RFX2: variants seen among roughly 807,000 people sequenced by gnomAD.
RFX2 encodes the protein DNA-binding protein RFX2.
In RFX2, 20 loss-of-function variants were observed where a neutral mutation model predicts 87.8. The observed-to-expected ratio is 0.23, with a 90% confidence interval of 0.16 to 0.33. RFX2 has a LOEUF of 0.33. Ranked by LOEUF, RFX2 falls within the 10% of genes least tolerant of loss-of-function variation. The pLI is 1.00. For synonymous variants in RFX2, 397 were observed against 431.3 expected (o/e 0.92, Z 0.98); for missense variants, 767 against 1,012.3 (o/e 0.76, Z 3.29).
At chr19:6,104,284 T>G (rs2088174183) in intron 1 of RFX2, among the ~76,000 whole-genome samples, 1 of 152,068 alleles carries the variant, frequency 6.6e-6, no homozygotes, top group African/African-American at 2.4e-5. Context: ...AAAAAAATTT[T>G]TTTGGCCGGG....
In RFX2 at chr19:6,016,125, C is replaced by T; in HGVS notation, c.744G>A (p.Val248=). Reference sequence around the variant, plus strand: ...GCCGCCGCGTTCTCAGCCCCATAAACACAGAACGGATCAGTTTCCCGAAGG... The same window carrying T: ...GCCGCCGCGTTCTCAGCCCCATAAATACAGAACGGATCAGTTTCCCGAAGG... ...AASFGKLIRS[V]FMGLRTRRLG... Residue 248 remains valine (V), a synonymous_variant, in exon 7 of 18, where the codon GTG becomes GTA. Transcript: ENST00000303657. This position sits in a 1 kb window ranked among gnomAD's most constrained non-coding sequence, Gnocchi z 5.4. 6.2e-7 allele frequency: 1 copy of T among 1,613,804 alleles called. No individual in the cohort carries two copies. The highest frequency in any genetic ancestry group is 8.5e-7 in the Non-Finnish European group (1 of 1,179,792).
rs8103560 is a variant in RFX2, at chr19:6,040,858, T to C, written c.261-617A>G. Among the ~76,000 whole-genome samples, 62,129 of 152,052 alleles carry C rather than the reference T, an allele frequency of 0.41. 15,976 individuals carry two copies. The highest frequency in any genetic ancestry group is 0.73 in the African/African-American group (30,454 of 41,434). On this transcript the variant is annotated intron_variant, in intron 4 of 17. Transcript: ENST00000303657. This position sits in a 1 kb window ranked among gnomAD's most constrained non-coding sequence, Gnocchi z 6.1. ...GAGATGGAGCAGTTCTGTATCTTGA[T>C]GGTGGTATTGTTACACAAATCTACA...
Position 6,007,230 on chromosome 19 carries a change from A to G in RFX2, c.1248-64T>C. On this transcript the variant is annotated intron_variant, in intron 11 of 17. Transcript: ENST00000303657. This position sits in a 1 kb window ranked among gnomAD's most constrained non-coding sequence, Gnocchi z 8.2. Reference sequence around the variant, plus strand: ...CCAGGTGGGCTCACTCAGCCACGGGAGCGAGCAGAGAGCCGGGCTGCGGGA... The same window carrying G: ...CCAGGTGGGCTCACTCAGCCACGGGGGCGAGCAGAGAGCCGGGCTGCGGGA... The G allele has an allele frequency of 6.5e-7, 1 of 1,544,158 alleles. No individual in the cohort carries two copies. Among genetic ancestry groups the G allele is most frequent in the Non-Finnish European group, 8.9e-7 (1 of 1,128,476 alleles).
chr19:6,106,639 C>T (rs2088221604), intron 1 of RFX2, among the ~76,000 whole-genome samples: 3 of 152,098 alleles, frequency 2.0e-5, no homozygotes, highest in African/African-American at 7.2e-5. Flanking sequence ...CACAGACTCG[C>T]ATTCTCCTCC....
chr19:6,009,443 C>T (rs900633970), intron 9 of RFX2, among the ~76,000 whole-genome samples: 1 of 152,218 alleles, frequency 6.6e-6, no homozygotes, highest in East Asian at 1.9e-4. Flanking sequence ...CTTGAGCAGC[C>T]CCCAGGGAAG....
rs994008356 is a variant in RFX2, at chr19:6,063,359, C to T, written c.-8-15855G>A. Among the ~76,000 whole-genome samples, 1 of 152,244 alleles carries T rather than the reference C, an allele frequency of 6.6e-6. No homozygotes were observed. Among genetic ancestry groups the T allele is most frequent in the East Asian group, 1.9e-4 (1 of 5,202 alleles). ...AGAATCGAGGGAGGCCAGCATGGCACACAGCGGTCCAGACTCGCAGTGACA... is the reference window on the plus strand; with the variant it reads ...AGAATCGAGGGAGGCCAGCATGGCATACAGCGGTCCAGACTCGCAGTGACA... On this transcript the variant is annotated intron_variant, in intron 1 of 17. Coordinates refer to ENST00000303657, the MANE Select transcript of RFX2 (RefSeq NM_000635.4). This position sits in a 1 kb window ranked among gnomAD's most constrained non-coding sequence, Gnocchi z 4.0.
Position 6,013,208 on chromosome 19 carries a change from CAG to C in RFX2, c.780-105_780-104del. The C allele has an allele frequency of 8.2e-7, 1 of 1,212,782 alleles. No individual in the cohort carries two copies. Among genetic ancestry groups the C allele is most frequent in the Non-Finnish European group, 1.1e-6 (1 of 897,004 alleles). The allele number at this position is 1,212,782 out of a possible 1,614,324, so 75.1% of individuals were successfully genotyped here. On this transcript the variant is annotated intron_variant, in intron 7 of 17. Transcript: ENST00000303657. This position sits in a 1 kb window ranked among gnomAD's most constrained non-coding sequence, Gnocchi z 4.1. Reference sequence around the variant, plus strand: ...TCTTTCTTCTTTTTTTTTTTTGAGACAGAATCTCATTCTGTCGCCCAGGCTGG... The same window carrying C: ...TCTTTCTTCTTTTTTTTTTTTGAGACAATCTCATTCTGTCGCCCAGGCTGG...
chr19:6,068,438 T>C (rs1199262789), intron 1 of RFX2: 1 of 152,142 alleles, frequency 6.6e-6, no homozygotes, highest in Non-Finnish European at 1.5e-5. Flanking sequence ...GAAAAATATG[T>C]CGTACGTCAG....
Position 6,044,296 on chromosome 19 carries a change from G to A in RFX2, c.91-14C>T. Reference sequence around the variant, plus strand: ...GACCAACACCCTCTAAAAGGGAAGGGAGAGAAGGCCAGTTAGACTTGTCAG... The same window carrying A: ...GACCAACACCCTCTAAAAGGGAAGGAAGAGAAGGCCAGTTAGACTTGTCAG... On this transcript the variant is annotated splice_polypyrimidine_tract_variant and intron_variant, in intron 2 of 17. Transcript: ENST00000303657. The surrounding 1 kb of genome is among the most constrained non-coding windows in gnomAD (Gnocchi z 5.3). 6.6e-7 allele frequency: 1 copy of A among 1,505,212 alleles called. No individual in the cohort carries two copies. The highest frequency in any genetic ancestry group is 8.9e-7 in the Non-Finnish European group (1 of 1,121,704). 93.2% of individuals were successfully genotyped at this position (1,505,212 alleles called of 1,614,324 possible). A position where few individuals can be genotyped will look rare whatever the true frequency, so the allele number is the denominator to read the frequency against.
intron 1 of RFX2, chr19:6,109,339 G>T (rs990385409): frequency 2.6e-5 from 4 of 152,094 alleles, no homozygotes; most frequent in African/African-American, 9.7e-5. Context: ...AGAAGGGGAG[G>T]GGGTGTCCGA....
intron 1 of RFX2, among the ~76,000 whole-genome samples, chr19:6,081,781 C>A (rs557708702): frequency 5.3e-5 from 8 of 152,042 alleles, no homozygotes; most frequent in African/African-American, 1.9e-4. Context: ...GGTGAAACAC[C>A]GTCTCTACTA....
chr19:6,077,344 T>G (rs2087706624), intron 1 of RFX2, among the ~76,000 whole-genome samples: 1 of 152,164 alleles, frequency 6.6e-6, no homozygotes, highest in South Asian at 2.1e-4. Context: ...CATGAGTGTG[T>G]GCCAGGGGCT....
At chr19:6,062,902 A>G (rs1447333973) in intron 1 of RFX2, among the ~76,000 whole-genome samples, 1 of 151,410 alleles carries the variant, frequency 6.6e-6, no homozygotes, top group African/African-American at 2.4e-5. Context: ...TCAGAATGTA[A>G]AGATCTGGGG....
chr19:6,055,102 G>T (rs1050414806), intron 1 of RFX2, among the ~76,000 whole-genome samples: 1 of 152,062 alleles, frequency 6.6e-6, no homozygotes, highest in Non-Finnish European at 1.5e-5. Flanking sequence ...CATGAATAGT[G>T]GTCAGCCTCA....
chr19:6,084,643 C>CTTTTTTTTTTTTTTTTT (rs57501118), intron 1 of RFX2, among the ~76,000 whole-genome samples: 1 of 145,366 alleles, frequency 6.9e-6, no homozygotes, highest in Non-Finnish European at 1.5e-5. Flanking sequence ...TTCTTTCTTT[C>CTTTTTTTTTTTTTTTTT]TTTTTTTTGA....
At chr19:6,069,550 G>C (rs550206377) in intron 1 of RFX2, among the ~76,000 whole-genome samples, 3 of 152,208 alleles carry the variant, frequency 2.0e-5, no homozygotes, top group African/African-American at 4.8e-5. Flanking sequence ...AAGAGGCCTA[G>C]GGCTGAGTTC....
intron 1 of RFX2, among the ~76,000 whole-genome samples, chr19:6,066,417 C>T (rs1457394930): frequency 2.6e-5 from 4 of 152,170 alleles, no homozygotes; most frequent in Non-Finnish European, 4.4e-5. Context: ...ATGAAGGCAT[C>T]GTGCTGAAAA....
chr19:6,049,025 A>G (rs544725746), intron 1 of RFX2: 1 of 152,206 alleles, frequency 6.6e-6, no homozygotes, highest in East Asian at 1.9e-4. Context: ...GGCGTTAACT[A>G]AACCTTACAC....
At position 6,044,215 on chromosome 19, in the gene RFX2, C is replaced by G; in HGVS notation, c.158G>C (p.Arg53Thr). Residue 53 changes from arginine (R) to threonine (T), a missense_variant, in exon 3 of 18, where the codon AGA becomes ACA. This residue lies in a region of RFX2 where 146 missense variants were observed against 139.2 expected (regional missense o/e 1.05). Coordinates refer to ENST00000303657, the MANE Select transcript of RFX2 (RefSeq NM_000635.4). This position sits in a 1 kb window ranked among gnomAD's most constrained non-coding sequence, Gnocchi z 5.3. Reference protein sequence around the residue: ...GAQMQPISLPRVQQVPQQVQP... With the variant: ...GAQMQPISLPTVQQVPQQVQP... ...TACCTGCTGGGGTACCTGCTGAACTCTGGGGAGGGAGATCGGCTGCATCTG... is the reference window on the plus strand; with the variant it reads ...TACCTGCTGGGGTACCTGCTGAACTGTGGGGAGGGAGATCGGCTGCATCTG... 1 of 1,576,878 alleles carries G rather than the reference C, an allele frequency of 6.3e-7. No individual in the cohort carries two copies.
Sources: gnomAD v4.1 joint callset for allele counts (sites outside exome capture counted in the v4.1 genomes callset) on GRCh38, gnomAD v4.1.1 for gene constraint, gnomAD v4.1.1 regional missense constraint, Gnocchi (gnomAD v3.1) non-coding constraint, MANE v1.5 for transcripts, NCBI Gene and HGNC (gene_info 2026-07-23, HGNC 2026-07-21) for gene names.